VPS45: variants seen among roughly 807,000 people sequenced by gnomAD.
VPS45 encodes the protein vacuolar protein sorting 45 homolog.
Under a neutral mutation model 75.9 loss-of-function variants are expected in VPS45, and 35 were observed. The ratio of observed to expected loss-of-function variants is 0.46; its 90% CI spans 0.35 to 0.61. The LOEUF (loss-of-function observed/expected upper bound fraction) is 0.61, where lower values mean the gene tolerates loss of function less well. Among genes scored for constraint, VPS45 ranks in the 20% least tolerant of loss-of-function variants. VPS45 has a pLI of 0.00. For synonymous variants in VPS45, 220 were observed against 238.2 expected (o/e 0.92, Z 0.70); for missense variants, 559 against 685.9 (o/e 0.81, Z 2.07).
chr1:150,133,641 A>C (rs376721138), intron 14 of VPS45, among the ~76,000 whole-genome samples: 51 of 152,346 alleles, frequency 3.3e-4, no homozygotes, highest in African/African-American at 1.2e-3. Flanking sequence ...TGCATTTTTT[A>C]ATAGTGTTCA....
At chr1:150,121,510 T>C (rs10494264) in intron 14 of VPS45, among the ~76,000 whole-genome samples, 39,191 of 152,124 alleles carry the variant, frequency 0.26, 7,516 homozygotes, top group African/African-American at 0.54. Flanking sequence ...GAATTACTTT[T>C]CTTCCTCTTA....
chr1:150,098,315 A>G (rs941955136), intron 13 of VPS45, among the ~76,000 whole-genome samples: 9 of 152,346 alleles, frequency 5.9e-5, no homozygotes, highest in African/African-American at 2.2e-4. Flanking sequence ...GGTTTTCACA[A>G]TGTTTAACAC....
At chr1:150,070,581 A>G (rs955506067) in intron 2 of VPS45, among the ~76,000 whole-genome samples, 2 of 151,510 alleles carry the variant, frequency 1.3e-5, no homozygotes, top group Non-Finnish European at 2.9e-5. Context: ...TCACGAGGTC[A>G]GGAGATCGAG....
At chr1:150,120,188 T>A (rs1412077361) in intron 14 of VPS45, among the ~76,000 whole-genome samples, 1 of 152,242 alleles carries the variant, frequency 6.6e-6, no homozygotes, top group African/African-American at 2.4e-5. Flanking sequence ...CTAGTTTTTT[T>A]ATTACTTAAT....
chr1:150,132,863 G>A (rs2101650729), intron 14 of VPS45, among the ~76,000 whole-genome samples: 1 of 152,260 alleles, frequency 6.6e-6, no homozygotes, highest in Non-Finnish European at 1.5e-5. Context: ...TACCATTGTT[G>A]TGATGATTAG....
intron 2 of VPS45, among the ~76,000 whole-genome samples, chr1:150,069,667 A>G (rs1007112180): frequency 6.6e-6 from 1 of 152,046 alleles, no homozygotes; most frequent in East Asian, 1.9e-4. Flanking sequence ...TGTGTTAGCC[A>G]GGATGGTCTT....
intron 14 of VPS45, among the ~76,000 whole-genome samples, chr1:150,113,533 G>A (rs1216865278): frequency 6.6e-6 from 1 of 152,166 alleles, no homozygotes; most frequent in African/African-American, 2.4e-5. Flanking sequence ...TCCGTGCAAA[G>A]TATTCATTAT....
At chr1:150,116,568 A>G (rs779761696) in intron 14 of VPS45, among the ~76,000 whole-genome samples, 1 of 152,198 alleles carries the variant, frequency 6.6e-6, no homozygotes, top group Non-Finnish European at 1.5e-5. Flanking sequence ...TTTAACCACT[A>G]TGCATTTCCT....
chr1:150,088,434 A>AATAAATAAATATAT (rs1400963423), intron 10 of VPS45, among the ~76,000 whole-genome samples: 24 of 125,530 alleles, frequency 1.9e-4, no homozygotes, highest in African/African-American at 7.5e-4. Flanking sequence ...CTGAATAATA[A>AATAAATAAATATAT]ATATATATAT....
intron 14 of VPS45, among the ~76,000 whole-genome samples, chr1:150,113,387 T>C (rs1235695638): frequency 1.3e-5 from 2 of 152,218 alleles, no homozygotes; most frequent in African/African-American, 4.8e-5. Context: ...AGTATATAAA[T>C]GATAAACAGC....
At chr1:150,138,608 C>T (rs587728872) in intron 14 of VPS45, among the ~76,000 whole-genome samples, 1 of 152,236 alleles carries the variant, frequency 6.6e-6, no homozygotes, top group South Asian at 2.1e-4. Flanking sequence ...CCATGAGAAA[C>T]CAGCAGCACT....
intron 4 of VPS45, 61 bp downstream of exon 4, chr1:150,076,373 AAAAAT>A: frequency 7.4e-7 from 1 of 1,345,432 alleles, no homozygotes; most frequent in Admixed American, 2.0e-5. Flanking sequence ...ATTTGAGTCT[AAAAAT>A]AAAAAATAAG....
intron 14 of VPS45, among the ~76,000 whole-genome samples, chr1:150,114,896 C>T (rs1657847261): frequency 1.3e-5 from 1 of 75,754 alleles, no homozygotes; most frequent in Non-Finnish European, 2.6e-5. Flanking sequence ...CTGAACAAGA[C>T]CCTGTCTTAA....
intron 14 of VPS45, among the ~76,000 whole-genome samples, chr1:150,115,414 C>G (rs587762598): frequency 6.6e-6 from 1 of 152,124 alleles, no homozygotes; most frequent in East Asian, 1.9e-4. Flanking sequence ...TGTTAGTATC[C>G]TCTTTTTTTC....
At chr1:150,074,955 CTTTTTT>C (rs782039324) in intron 3 of VPS45, among the ~76,000 whole-genome samples, 4 of 81,108 alleles carry the variant, frequency 4.9e-5, no homozygotes, top group Non-Finnish European at 8.4e-5. Flanking sequence ...ATTATTTATT[CTTTTTT>C]TTTTTTTTTT....
chr1:150,119,937 C>T (rs1269290422), intron 14 of VPS45, among the ~76,000 whole-genome samples: 1 of 152,048 alleles, frequency 6.6e-6, no homozygotes, highest in Non-Finnish European at 1.5e-5. Context: ...GGAGAAACCC[C>T]GTCTCTACTA....
chr1:150,101,656 C>T (rs1553804357), intron 13 of VPS45, among the ~76,000 whole-genome samples: 2 of 151,508 alleles, frequency 1.3e-5, no homozygotes, highest in Non-Finnish European at 2.9e-5. Context: ...ATGGCTTGAA[C>T]CCGGGAGGCA....
At chr1:150,098,249 TTATTGTATTAGG>T (rs1460432294) in intron 13 of VPS45, among the ~76,000 whole-genome samples, 1 of 152,230 alleles carries the variant, frequency 6.6e-6, no homozygotes, top group Non-Finnish European at 1.5e-5. Context: ...TTCCTATTAG[TTATTGTATTAGG>T]TATTGTAATC....
chr1:150,095,711 C>T (rs1210636260), intron 13 of VPS45, among the ~76,000 whole-genome samples: 1 of 151,550 alleles, frequency 6.6e-6, no homozygotes, highest in East Asian at 1.9e-4. Flanking sequence ...GAGAATTTGG[C>T]AAGTTAATGG....
Sources: gnomAD v4.1 joint callset for allele counts (sites outside exome capture counted in the v4.1 genomes callset) on GRCh38, gnomAD v4.1.1 for gene constraint, MANE v1.5 for transcripts, NCBI Gene and HGNC (gene_info 2026-07-23, HGNC 2026-07-21) for gene names.